Variants in CFAP77 observed in about 807,000 individuals in gnomAD.
CFAP77 encodes cilia and flagella associated protein 77, also known as cilia- and flagella-associated protein 77.
Under a neutral mutation model 31.1 loss-of-function variants are expected in CFAP77, and 25 were observed. That is an observed-to-expected ratio of 0.80 (90% CI 0.59 to 1.12). The LOEUF (loss-of-function observed/expected upper bound fraction) is 1.12. CFAP77 is among the 50% of genes most tolerant of loss of function. The probability of loss-of-function intolerance (pLI) is 0.00; values close to 1 mark genes in which losing one functional copy is unlikely to be tolerated. For missense variants in CFAP77, 377 were observed against 397.3 expected, an observed-to-expected ratio of 0.95 and a Z score of 0.44; for synonymous variants, 151 against 159.9, an observed-to-expected ratio of 0.94 and a Z score of 0.42.
At chr9:132,428,808 G>T (rs1266018004) in intron 1 of CFAP77, among the ~76,000 whole-genome samples, 9 of 137,820 alleles carry the variant, frequency 6.5e-5, no homozygotes, top group Admixed American at 5.6e-4. Flanking sequence ...TCAGCACTTT[G>T]AAGACCCCCC....
In CFAP77 at chr9:132,481,046, CA is replaced by C. The variant is rs777467124; in HGVS notation, c.196-17648del. ...AGCACCAAACAAAATCTTACACATC[CA>C]GTTGCTTTAAAATATCTCCAACAAG... On this transcript the variant is annotated intron_variant, in intron 1 of 5. Coordinates refer to ENST00000393216, the MANE Select transcript of CFAP77 (RefSeq NM_001282957.2). The surrounding 1 kb of genome is among the most constrained non-coding windows in gnomAD (Gnocchi z 5.0). Among the ~76,000 whole-genome samples the C allele has an allele frequency of 6.6e-5, 10 of 152,154 alleles. No homozygotes were observed. Among genetic ancestry groups the C allele is most frequent in the Admixed American group, 2.6e-4 (4 of 15,276 alleles).
intron 5 of CFAP77, among the ~76,000 whole-genome samples, chr9:132,571,194 C>G (rs1829954834): frequency 6.6e-6 from 1 of 152,252 alleles, no homozygotes; most frequent in Admixed American, 6.5e-5. Context: ...CTGCTTTATC[C>G]TGAACCCACT....
chr9:132,561,624 C>A (rs983444179), intron 5 of CFAP77, among the ~76,000 whole-genome samples: 1 of 119,066 alleles, frequency 8.4e-6, no homozygotes, highest in Non-Finnish European at 1.7e-5. Context: ...CACACACACA[C>A]ACACACACAC....
chr9:132,480,624 A>G lies in CFAP77; in HGVS notation c.196-18071A>G, dbSNP rs564065942. Among the ~76,000 whole-genome samples the G allele has an allele frequency of 3.9e-5, 6 of 152,350 alleles. No individual in the cohort carries two copies. Among genetic ancestry groups the G allele is most frequent in the African/African-American group, 1.2e-4 (5 of 41,580 alleles). On this transcript the variant is annotated intron_variant, in intron 1 of 5. Transcript: ENST00000393216. This position sits in a 1 kb window ranked among gnomAD's most constrained non-coding sequence, Gnocchi z 5.8. ...AAACCACCATTTGAATGATCCATTC[A>G]TCTCAAAGACGTGGGTCCAGGAAGG...
intron 1 of CFAP77, among the ~76,000 whole-genome samples, chr9:132,428,847 G>A (rs2131688138): frequency 6.6e-6 from 1 of 152,160 alleles, no homozygotes; most frequent in South Asian, 2.1e-4. Context: ...GCATCACCAG[G>A]CTGCGATGGT....
chr9:132,413,844 A>G (rs1362840899), intron 1 of CFAP77, among the ~76,000 whole-genome samples: 3 of 152,188 alleles, frequency 2.0e-5, no homozygotes, highest in African/African-American at 7.2e-5. Flanking sequence ...TTCATAATTT[A>G]TTATTGACTT....
At chr9:132,427,269 G>A (rs925798172) in intron 1 of CFAP77, among the ~76,000 whole-genome samples, 27 of 152,220 alleles carry the variant, frequency 1.8e-4, no homozygotes, top group African/African-American at 5.8e-4. Flanking sequence ...GCCCATTCAC[G>A]GCTTCCTTCT....
At chr9:132,540,682 T>G (rs1852625102) in intron 4 of CFAP77, among the ~76,000 whole-genome samples, 1 of 152,148 alleles carries the variant, frequency 6.6e-6, no homozygotes, top group African/African-American at 2.4e-5. Flanking sequence ...GGGATAGTTG[T>G]GGAGAAAGGA....
At chr9:132,563,740 G>A (rs2119105236) in intron 5 of CFAP77, among the ~76,000 whole-genome samples, 1 of 152,342 alleles carries the variant, frequency 6.6e-6, no homozygotes, top group Admixed American at 6.5e-5. Context: ...CACACTCGCT[G>A]GTAGTGCATG....
rs892578540 is a variant in CFAP77 at position 132,427,947 on chromosome 9, T to C, written c.195+17481T>C. Among the ~76,000 whole-genome samples the C allele has an allele frequency of 2.0e-5, 3 of 152,220 alleles. No individual in the cohort carries two copies. The South Asian group carries it at 6.2e-4, about 32-fold the overall frequency. ...TTTTGAAGAGACGGAGTTCAACCTC[T>C]AACATTCTCCATTGACCCCATGGCT... On this transcript the variant is annotated intron_variant, in intron 1 of 5. Coordinates refer to ENST00000393216, the MANE Select transcript of CFAP77 (RefSeq NM_001282957.2).
intron 5 of CFAP77, among the ~76,000 whole-genome samples, chr9:132,566,730 T>G (rs1829888428): frequency 6.6e-6 from 1 of 152,212 alleles, no homozygotes; most frequent in South Asian, 2.1e-4. Flanking sequence ...GCCCAGGCAC[T>G]AAGCATCTCC....
At chr9:132,475,592 G>A (rs1851336668) in intron 1 of CFAP77, among the ~76,000 whole-genome samples, 1 of 152,186 alleles carries the variant, frequency 6.6e-6, no homozygotes, top group Non-Finnish European at 1.5e-5. Context: ...AAGTGTCTCG[G>A]TTAGGAGCAG....
chr9:132,470,608 G>A (rs764609451), intron 1 of CFAP77, among the ~76,000 whole-genome samples: 27 of 152,342 alleles, frequency 1.8e-4, no homozygotes, highest in South Asian at 4.1e-4. Context: ...TCCCAAGTGC[G>A]TCCAATGCTT....
intron 1 of CFAP77, among the ~76,000 whole-genome samples, chr9:132,458,357 G>GGGGGGGGGGCGGGGAGTGT (rs139008147): frequency 8.4e-6 from 1 of 119,046 alleles, no homozygotes; most frequent in African/African-American, 3.2e-5. Flanking sequence ...GAGGGGGGGG[G>GGGGGGGGGGCGGGGAGTGT]GTGTGTATGG....
intron 1 of CFAP77, among the ~76,000 whole-genome samples, chr9:132,442,683 G>A (rs781599357): frequency 7.3e-5 from 11 of 150,714 alleles, no homozygotes; most frequent in East Asian, 1.9e-4. Flanking sequence ...GGCAAAATTC[G>A]CATGATATTC....
chr9:132,496,267 A>T (rs1169101587), intron 1 of CFAP77, among the ~76,000 whole-genome samples: 1 of 152,216 alleles, frequency 6.6e-6, no homozygotes, highest in African/African-American at 2.4e-5. Context: ...CAGGCTCATG[A>T]GGGAAGACAG....
intron 3 of CFAP77, among the ~76,000 whole-genome samples, chr9:132,507,357 T>A (rs768574579): frequency 2.3e-4 from 35 of 152,090 alleles, no homozygotes; most frequent in Non-Finnish European, 4.0e-4. Flanking sequence ...CATCCTTAGA[T>A]CAGCACTAAT....
At chr9:132,451,338 TA>T (rs34713934) in intron 1 of CFAP77, among the ~76,000 whole-genome samples, 47,710 of 131,266 alleles carry the variant, frequency 0.36, 8,513 homozygotes, top group African/African-American at 0.47. Context: ...AACTCCATCT[TA>T]AAAAAAAAAA....
intron 4 of CFAP77, among the ~76,000 whole-genome samples, chr9:132,540,788 G>C (rs1852626474): frequency 6.6e-6 from 1 of 152,106 alleles, no homozygotes; most frequent in African/African-American, 2.4e-5. Flanking sequence ...TGTAAGTTTT[G>C]GGGGGCACCT....
Sources: allele counts gnomAD v4.1 joint callset (sites outside exome capture counted in the v4.1 genomes callset), GRCh38; gene constraint gnomAD v4.1.1; non-coding constraint Gnocchi (gnomAD v3.1); transcripts MANE v1.5; gene names NCBI Gene and HGNC (gene_info 2026-07-23, HGNC 2026-07-21).